The following EIF4G3 variants were observed in gnomAD, a reference collection of about 807,000 sequenced individuals.
EIF4G3 encodes the protein eIF-4-gamma 3.
EIF4G3 carries 34 observed loss-of-function variants against 186.4 expected under a neutral mutation model. The observed-to-expected ratio is 0.18, with a 90% confidence interval of 0.14 to 0.24. The LOEUF (loss-of-function observed/expected upper bound fraction) is 0.24, where lower values mean the gene tolerates loss of function less well. Ranked by LOEUF, EIF4G3 falls within the 10% of genes least tolerant of loss-of-function variation. EIF4G3 has a pLI of 1.00. For missense variants in EIF4G3, 1,536 were observed against 1,948.5 expected, an observed-to-expected ratio of 0.79 and a Z score of 3.99; for synonymous variants, 673 against 679.5, an observed-to-expected ratio of 0.99 and a Z score of 0.15.
In EIF4G3 at chr1:20,821,210, A is replaced by G. The variant is rs1468807747; in HGVS notation, c.4369-3672T>C. On this transcript the variant is annotated intron_variant, in intron 33 of 36. Transcript: ENST00000602326. ...AGTTGAAATAACAGCCAGCCCCAGC[A>G]CTGGCCTCTCAGTCAACTAAAAGTC... 3.3e-5 allele frequency among the ~76,000 whole-genome samples: 5 copies of G among 152,354 alleles called. No homozygotes were observed. The East Asian group carries it at 9.6e-4, about 29-fold the overall frequency.
intron 27 of EIF4G3, 28 bp downstream of exon 27, chr1:20,853,532 G>T (rs199565411): frequency 3.3e-6 from 5 of 1,498,964 alleles, no homozygotes; most frequent in African/African-American, 2.8e-5. Flanking sequence ...GGCCAGCCTT[G>T]AGTAGACATA....
At position 20,938,648 on chromosome 1, in the gene EIF4G3, G is replaced by T. The variant is rs142086146; in HGVS notation, c.1663+2843C>A. ...AAGGTATAATAAGTGAATATTATGT[G>T]AATAAGTGCAAATAAATTATAGTCA... On this transcript the variant is annotated intron_variant, in intron 14 of 36. Coordinates refer to ENST00000602326, the MANE Select transcript of EIF4G3 (RefSeq NM_001391906.1). Among the ~76,000 whole-genome samples, 182 of 152,308 alleles carry T rather than the reference G, an allele frequency of 1.2e-3. 1 individual carries two copies. The highest frequency in any genetic ancestry group is 4.2e-3 in the African/African-American group (176 of 41,564).
Position 20,879,315 on chromosome 1 carries a change from CTT to C in EIF4G3, c.2622+6_2622+7del. ...GATTTCTCGTTTTACTCCTTCCTCT[CTT>C]CTTACCGTTACTAGACATCGACACA... On this transcript the variant is annotated splice_donor_region_variant and intron_variant, in intron 20 of 36. Coordinates refer to ENST00000602326, the MANE Select transcript of EIF4G3 (RefSeq NM_001391906.1). The C allele has an allele frequency of 6.3e-7, 1 of 1,581,428 alleles. No homozygotes were observed. The highest frequency in any genetic ancestry group is 8.6e-7 in the Non-Finnish European group (1 of 1,163,672).
At chr1:20,932,374 C>T (rs1258224093) in intron 14 of EIF4G3, among the ~76,000 whole-genome samples, 1 of 152,158 alleles carries the variant, frequency 6.6e-6, no homozygotes, top group African/African-American at 2.4e-5. Flanking sequence ...TGGAGTAGCA[C>T]TTTAAACTTC....
At position 20,810,113 on chromosome 1, in the gene EIF4G3, A is replaced by C. The variant is rs2058944527; in HGVS notation, c.4744+625T>G. On this transcript the variant is annotated intron_variant, in intron 36 of 36. Coordinates refer to ENST00000602326, the MANE Select transcript of EIF4G3 (RefSeq NM_001391906.1). This position sits in a 1 kb window ranked among gnomAD's most constrained non-coding sequence, Gnocchi z 4.1. ...AGCTTTCTGAGTAGCTGTAGCTGGGACTACAGGCACATGCCACCACACCTA... is the reference window on the plus strand; with the variant it reads ...AGCTTTCTGAGTAGCTGTAGCTGGGCCTACAGGCACATGCCACCACACCTA... 6.6e-6 allele frequency among the ~76,000 whole-genome samples: 1 copy of C among 150,608 alleles called. No individual in the cohort carries two copies. The highest frequency in any genetic ancestry group is 1.5e-5 in the Non-Finnish European group (1 of 67,818).
At chr1:20,813,035 T>C in intron 35 of EIF4G3, 123 bp downstream of exon 35, 3 of 658,478 alleles carry the variant, frequency 4.6e-6, no homozygotes, top group South Asian at 1.9e-5. Flanking sequence ...GAAAGGACAG[T>C]GCACAGAAAA....
rs1413450889 is a variant in EIF4G3 at position 20,832,178 on chromosome 1, C to T, written c.4062-2906G>A. On this transcript the variant is annotated intron_variant, in intron 30 of 36. Transcript: ENST00000602326. Reference sequence around the variant, plus strand: ...TTCCAGTTCTAGATCCCTGAGGAATCGCCACACTGACTTCCACAATGGTTG... The same window carrying T: ...TTCCAGTTCTAGATCCCTGAGGAATTGCCACACTGACTTCCACAATGGTTG... Among the ~76,000 whole-genome samples, 145 of 144,980 alleles carry T rather than the reference C, an allele frequency of 1.0e-3. 1 individual carries two copies. The highest frequency in any genetic ancestry group is 3.5e-3 in the African/African-American group (138 of 39,590).
At chr1:20,920,053 C>T (rs1336369344) in intron 14 of EIF4G3, among the ~76,000 whole-genome samples, 1 of 151,994 alleles carries the variant, frequency 6.6e-6, no homozygotes, top group Non-Finnish European at 1.5e-5. Context: ...ATTACAGGCA[C>T]ACACCACCAC....
intron 3 of EIF4G3, among the ~76,000 whole-genome samples, chr1:21,073,389 G>A (rs945408440): frequency 1.3e-5 from 2 of 152,062 alleles, no homozygotes; most frequent in African/African-American, 2.4e-5. Flanking sequence ...CATTAACCAC[G>A]TTTCAAGTGC....
At chr1:21,149,499 T>A (rs2097517252) in intron 2 of EIF4G3, among the ~76,000 whole-genome samples, 1 of 152,214 alleles carries the variant, frequency 6.6e-6, no homozygotes, top group African/African-American at 2.4e-5. Flanking sequence ...TACGGTATTT[T>A]ACTGGTTGCT....
At chr1:20,916,443 T>C (rs1427138610) in intron 14 of EIF4G3, among the ~76,000 whole-genome samples, 4 of 150,550 alleles carry the variant, frequency 2.7e-5, no homozygotes, top group Non-Finnish European at 5.9e-5. Context: ...AGAGACTCTG[T>C]CTCAAAAAAA....
At chr1:21,064,909 T>C (rs906558611) in intron 3 of EIF4G3, 5 of 152,192 alleles carry the variant, frequency 3.3e-5, no homozygotes, top group African/African-American at 1.2e-4. Context: ...ATTCTCTTTC[T>C]TATGTTCAAA....
At chr1:21,176,415 C>T (rs1573862750) in intron 1 of EIF4G3, 57 bp from the exon 2 acceptor site, 2 of 222,952 alleles carry the variant, frequency 9.0e-6, no homozygotes, top group Middle Eastern at 2.1e-3. Flanking sequence ...CCACCAACCC[C>T]CCCAGAGCGG....
chr1:20,977,577 C>T lies in EIF4G3; in HGVS notation c.493+2757G>A, dbSNP rs188097133. Among the ~76,000 whole-genome samples, 19 of 152,100 alleles carry T rather than the reference C, an allele frequency of 1.2e-4. No homozygotes were observed. In the East Asian group the frequency reaches 1.9e-3, roughly 15 times the overall value. On this transcript the variant is annotated intron_variant, in intron 10 of 36. Coordinates refer to ENST00000602326, the MANE Select transcript of EIF4G3 (RefSeq NM_001391906.1). ...TCTAATATTAAGAAAACTAGAGAAA[C>T]AATATTTTAATCTAGATGATTAACT...
In EIF4G3 at chr1:20,941,596, C is replaced by A; in HGVS notation, c.1558G>T (p.Glu520Ter). The A allele has an allele frequency of 6.2e-7, 1 of 1,614,190 alleles. No homozygotes were observed. Among genetic ancestry groups the A allele is most frequent in the Non-Finnish European group, 8.5e-7 (1 of 1,180,030 alleles). Residue 520 changes from glutamate (E) to a stop codon, truncating the protein, a stop_gained, in exon 14 of 37, where the codon GAA becomes TAA. Transcript: ENST00000602326. LOFTEE classifies it high-confidence loss of function. ...TTGTTCTGAATCTCTTTTGCATCTT[C>A]ACTAAGGCAAGTTCTTATGCTCTCG... is the stretch of plus-strand genomic sequence containing the variant. ...EDESIRTCLS[E>*]DAKEIQNKIE...
At chr1:20,948,317 T>G (rs1264106761) in intron 13 of EIF4G3, among the ~76,000 whole-genome samples, 3 of 152,226 alleles carry the variant, frequency 2.0e-5, no homozygotes. Context: ...GCAAGGTAAA[T>G]GGCTTTACTA....
intron 4 of EIF4G3, among the ~76,000 whole-genome samples, chr1:21,019,507 C>A (rs537929146): frequency 1.3e-4 from 20 of 152,156 alleles, no homozygotes; most frequent in Middle Eastern, 3.4e-3. Context: ...AAACATGATG[C>A]CTTTTTTATG....
At chr1:21,120,541 A>G (rs527929030) in intron 2 of EIF4G3, among the ~76,000 whole-genome samples, 1 of 150,616 alleles carries the variant, frequency 6.6e-6, no homozygotes, top group South Asian at 2.1e-4. Context: ...CAGGAGAATC[A>G]CTTGAACCCA....
chr1:21,141,267 C>T (rs2097331865), intron 2 of EIF4G3, among the ~76,000 whole-genome samples: 1 of 152,038 alleles, frequency 6.6e-6, no homozygotes, highest in Admixed American at 6.6e-5. Context: ...TCTTTCTGTG[C>T]CATGTTACAG....
Sources: gnomAD v4.1 joint callset for allele counts (sites outside exome capture counted in the v4.1 genomes callset) on GRCh38, gnomAD v4.1.1 for gene constraint, Gnocchi (gnomAD v3.1) non-coding constraint, MANE v1.5 for transcripts, NCBI Gene and HGNC (gene_info 2026-07-23, HGNC 2026-07-21) for gene names.